The following NEMF variants were observed in gnomAD, a reference collection of about 807,000 sequenced individuals.
NEMF encodes nuclear export mediator factor.
A neutral mutation model predicts 162.2 loss-of-function variants in NEMF; 89 were observed. The ratio of observed to expected loss-of-function variants is 0.55; its 90% CI spans 0.46 to 0.65. NEMF has a LOEUF of 0.65. NEMF is among the 30% of genes least tolerant of loss of function. NEMF has a pLI of 0.00. For synonymous variants in NEMF, 421 were observed against 404.5 expected, an observed-to-expected ratio of 1.04 and a Z score of -0.49; for missense variants, 1,133 against 1,261.9, an observed-to-expected ratio of 0.90 and a Z score of 1.55.
At chr14:49,802,341 G>C in intron 22 of NEMF, 112 bp downstream of exon 22, 1 of 1,222,946 alleles carries the variant, frequency 8.2e-7, no homozygotes, top group Non-Finnish European at 1.1e-6. Flanking sequence ...GGGTTTTCGG[G>C]GTTTTTTTGA....
intron 25 of NEMF, among the ~76,000 whole-genome samples, 196 bp downstream of exon 25, chr14:49,799,279 A>G (rs1890844704): frequency 6.8e-6 from 1 of 147,806 alleles, no homozygotes; most frequent in African/African-American, 2.5e-5. Context: ...TATTTCATTG[A>G]TTATAGTTAT....
intron 16 of NEMF, among the ~76,000 whole-genome samples, chr14:49,819,104 T>C (rs1018663039): frequency 6.6e-6 from 1 of 152,096 alleles, no homozygotes; most frequent in Non-Finnish European, 1.5e-5. Flanking sequence ...AGCGAAACTC[T>C]GTCTCCAAAA....
chr14:49,793,865 T>TA (rs1890564977), intron 26 of NEMF, among the ~76,000 whole-genome samples: 1 of 151,176 alleles, frequency 6.6e-6, no homozygotes, highest in Non-Finnish European at 1.5e-5. Flanking sequence ...ATTTGATGGG[T>TA]AAAAAAAATT....
chr14:49,793,996 T>C (rs547231559), intron 26 of NEMF, among the ~76,000 whole-genome samples: 2 of 152,330 alleles, frequency 1.3e-5, no homozygotes, highest in East Asian at 3.9e-4. Flanking sequence ...GGTACCGTTT[T>C]CACATGGTTA....
At chr14:49,817,037 A>T (rs1891748233) in intron 16 of NEMF, among the ~76,000 whole-genome samples, 1 of 152,220 alleles carries the variant, frequency 6.6e-6, no homozygotes, top group Non-Finnish European at 1.5e-5. Flanking sequence ...ATTAAATATA[A>T]ATGCATTAAA....
intron 5 of NEMF, chr14:49,839,509 C>T (rs963269894): frequency 1.3e-5 from 2 of 152,254 alleles, no homozygotes; most frequent in African/African-American, 4.8e-5. Context: ...GGCCTTCCAG[C>T]TAGCTGGAAT....
intron 18 of NEMF, among the ~76,000 whole-genome samples, chr14:49,808,769 C>T (rs1381409858): frequency 6.6e-6 from 1 of 150,980 alleles, no homozygotes; most frequent in African/African-American, 2.4e-5. Context: ...AAAATACTTG[C>T]AAAAGACATA....
chr14:49,838,809 C>T (rs1355196052), intron 5 of NEMF, among the ~76,000 whole-genome samples: 6 of 152,088 alleles, frequency 3.9e-5, no homozygotes, highest in Admixed American at 2.0e-4. Flanking sequence ...TGGTCTCAAT[C>T]TCCTGACCTT....
chr14:49,849,866 TTAAA>T (rs1893686213), intron 3 of NEMF, among the ~76,000 whole-genome samples: 1 of 152,226 alleles, frequency 6.6e-6, no homozygotes. Context: ...TGGGTTACTA[TTAAA>T]TAAATTAAAC....
intron 26 of NEMF, 123 bp downstream of exon 26, chr14:49,795,668 A>T: frequency 3.6e-6 from 3 of 840,676 alleles, no homozygotes; most frequent in East Asian, 2.5e-5. Context: ...ACTAATTTTT[A>T]GTCAAAGGAA....
At chr14:49,808,394 C>T (rs575402543) in intron 18 of NEMF, among the ~76,000 whole-genome samples, 8 of 152,134 alleles carry the variant, frequency 5.3e-5, no homozygotes, top group African/African-American at 1.4e-4. Context: ...AGGCTGGTCT[C>T]GAACTCTTGA....
chr14:49,802,707 G>C lies in NEMF; in HGVS notation c.1936C>G (p.Pro646Ala), dbSNP rs962039209. The change falls in exon 21 of 33, where the codon CCC becomes GCC. Residue 646 changes from proline (P) to alanine (A), a missense_variant. Pro to Ala is a conservative substitution (Grantham distance 27). This residue lies in a region of NEMF where 532 missense variants were observed against 578.6 expected (regional missense o/e 0.92). Transcript: ENST00000298310. ...MIRGKKNFLP[P>A]SYLMMGFSFL... Reference sequence around the variant, plus strand: ...CTAAACCCCATCATTAGATATGAGGGAGGAAGAAAATTCTTTTTTCCTACA... The same window carrying C: ...CTAAACCCCATCATTAGATATGAGGCAGGAAGAAAATTCTTTTTTCCTACA... 1 of 1,611,094 alleles carries C rather than the reference G, an allele frequency of 6.2e-7. No individual in the cohort carries two copies.
intron 1 of NEMF, 80 bp from the exon 2 acceptor site, chr14:49,851,955 G>T: frequency 3.5e-6 from 3 of 861,444 alleles, no homozygotes; most frequent in Non-Finnish European, 3.6e-6. Flanking sequence ...TAAAAGCTTC[G>T]AAAGAGCGGA....
chr14:49,825,798 T>C, intron 16 of NEMF, 69 bp downstream of exon 16: 1 of 1,061,142 alleles, frequency 9.4e-7, no homozygotes, highest in Non-Finnish European at 1.4e-6. Flanking sequence ...TGTTTGACTT[T>C]TCTAAACAAT....
At chr14:49,816,079 T>C (rs1891703480) in intron 16 of NEMF, among the ~76,000 whole-genome samples, 1 of 152,214 alleles carries the variant, frequency 6.6e-6, no homozygotes, top group African/African-American at 2.4e-5. Context: ...TTCCTGAGTA[T>C]CCGTCTCAAG....
chr14:49,829,993 A>G (rs1186381224), intron 11 of NEMF, among the ~76,000 whole-genome samples: 3 of 152,206 alleles, frequency 2.0e-5, no homozygotes, highest in Non-Finnish European at 4.4e-5. Context: ...CCAGTATTTT[A>G]CAGAAACTTT....
intron 26 of NEMF, among the ~76,000 whole-genome samples, chr14:49,790,060 T>C (rs1890368043): frequency 6.6e-6 from 1 of 152,194 alleles, no homozygotes; most frequent in Non-Finnish European, 1.5e-5. Flanking sequence ...GGTTTTAAAC[T>C]ATAAACATCT....
At chr14:49,823,103 A>T (rs1012214466) in intron 16 of NEMF, among the ~76,000 whole-genome samples, 4 of 151,474 alleles carry the variant, frequency 2.6e-5, no homozygotes, top group African/African-American at 9.7e-5. Context: ...CACTCAGCTA[A>T]TTTTTTTTGT....
At chr14:49,841,673 G>T (rs1893219709) in intron 4 of NEMF, among the ~76,000 whole-genome samples, 1 of 151,630 alleles carries the variant, frequency 6.6e-6, no homozygotes, top group Admixed American at 6.6e-5. Flanking sequence ...CCTGCAATTT[G>T]TCTTTTAATA....
Sources: allele counts gnomAD v4.1 joint callset (sites outside exome capture counted in the v4.1 genomes callset), GRCh38; gene constraint gnomAD v4.1.1; regional missense constraint gnomAD v4.1.1; transcripts MANE v1.5; gene names NCBI Gene and HGNC (gene_info 2026-07-23, HGNC 2026-07-21).